TMEM132D: variants seen among roughly 807,000 people sequenced by gnomAD.
TMEM132D encodes mature OL transmembrane protein.
TMEM132D carries 21 observed loss-of-function variants against 62.3 expected under a neutral mutation model. The ratio of observed to expected loss-of-function variants is 0.34; its 90% CI spans 0.24 to 0.49. The LOEUF (loss-of-function observed/expected upper bound fraction) is 0.49. Ranked by LOEUF, TMEM132D falls within the 20% of genes least tolerant of loss-of-function variation. TMEM132D has a pLI of 0.99. For synonymous variants in TMEM132D, 621 were observed against 575.6 expected (o/e 1.08, Z -1.13); for missense variants, 1,346 against 1,402.8 (o/e 0.96, Z 0.65).
chr12:129,423,524 A>G (rs1448886675), intron 3 of TMEM132D, among the ~76,000 whole-genome samples: 3 of 152,146 alleles, frequency 2.0e-5, no homozygotes, highest in African/African-American at 7.2e-5. Context: ...GTAGGGCTCT[A>G]TGGAAAAGGA....
At chr12:129,560,584 G>A (rs2137112852) in intron 2 of TMEM132D, among the ~76,000 whole-genome samples, 1 of 152,244 alleles carries the variant, frequency 6.6e-6, no homozygotes, top group African/African-American at 2.4e-5. Flanking sequence ...CTTGTTAATT[G>A]CTAGAGATAT....
intron 1 of TMEM132D, among the ~76,000 whole-genome samples, chr12:129,829,327 CCTTCCT>C (rs766306122): frequency 1.4e-4 from 21 of 152,242 alleles, no homozygotes; most frequent in Admixed American, 2.6e-4. Flanking sequence ...AGGGACATCT[CCTTCCT>C]CTTCCTCTTC....
At chr12:129,636,737 T>TGTGTGTGTGTGTGAGAGA (rs375868329) in intron 2 of TMEM132D, among the ~76,000 whole-genome samples, 4,230 of 113,176 alleles carry the variant, frequency 0.037, 116 homozygotes, top group Admixed American at 0.06. Context: ...TGTGTGTGTG[T>TGTGTGTGTGTGTGAGAGA]GAGAGAGAGA....
At chr12:129,473,730 A>G (rs1043731073) in intron 3 of TMEM132D, among the ~76,000 whole-genome samples, 6 of 152,188 alleles carry the variant, frequency 3.9e-5, no homozygotes, top group South Asian at 2.1e-4. Flanking sequence ...TAACTTTTCT[A>G]TGTACTGGAA....
intron 4 of TMEM132D, among the ~76,000 whole-genome samples, chr12:129,287,959 T>G (rs1272378358): frequency 6.6e-6 from 1 of 152,246 alleles, no homozygotes; most frequent in Non-Finnish European, 1.5e-5. Context: ...CGTTGTAATA[T>G]ATTTCAAAAT....
chr12:129,171,277 C>T (rs1877717400), intron 5 of TMEM132D, among the ~76,000 whole-genome samples: 1 of 152,182 alleles, frequency 6.6e-6, no homozygotes, highest in Admixed American at 6.5e-5. Flanking sequence ...GAGATTGTGG[C>T]CATTCAGCCC....
chr12:129,712,080 ACTCCG>A (rs1047800606), intron 1 of TMEM132D, among the ~76,000 whole-genome samples: 2 of 151,596 alleles, frequency 1.3e-5, no homozygotes, highest in African/African-American at 4.8e-5. Context: ...ACAAAAAGCT[ACTCCG>A]CACAATATGT....
At chr12:129,599,689 T>C (rs1878435413) in intron 2 of TMEM132D, among the ~76,000 whole-genome samples, 1 of 152,184 alleles carries the variant, frequency 6.6e-6, no homozygotes, top group African/African-American at 2.4e-5. Flanking sequence ...ATAAAGCAAA[T>C]ATCACCATAA....
Position 129,786,983 on chromosome 12 carries a change from C to T in TMEM132D, c.80-86285G>A, listed in dbSNP as rs540633976. 7.9e-5 allele frequency among the ~76,000 whole-genome samples: 12 copies of T among 151,538 alleles called. No homozygotes were observed. The East Asian group carries it at 1.8e-3, about 22-fold the overall frequency. ...GAGCTCCAGGGGCATCGGAATGTGA[C>T]GGGCAAGTTGCAGAATGATGAGGGG... On this transcript the variant is annotated intron_variant, in intron 1 of 8. Coordinates refer to ENST00000422113, the MANE Select transcript of TMEM132D (RefSeq NM_133448.3).
chr12:129,843,942 A>T (rs9943728), intron 1 of TMEM132D, among the ~76,000 whole-genome samples: 14,062 of 151,600 alleles, frequency 0.093, 1,989 homozygotes, highest in African/African-American at 0.31. Flanking sequence ...TAAAAAAAAA[A>T]TTTTTTTAAT....
chr12:129,405,895 C>T (rs575993832), intron 3 of TMEM132D, among the ~76,000 whole-genome samples: 23 of 152,226 alleles, frequency 1.5e-4, no homozygotes, highest in Admixed American at 7.2e-4. Context: ...CTTTAGTAAG[C>T]TTTCTTTTGC....
At chr12:129,361,814 T>C (rs1203687985) in intron 3 of TMEM132D, among the ~76,000 whole-genome samples, 3 of 152,246 alleles carry the variant, frequency 2.0e-5, no homozygotes, top group East Asian at 3.9e-4. Context: ...AAGAATAGGG[T>C]AGAATTAAAT....
chr12:129,533,710 T>C (rs1876294288), intron 2 of TMEM132D, among the ~76,000 whole-genome samples: 1 of 152,238 alleles, frequency 6.6e-6, no homozygotes, highest in African/African-American at 2.4e-5. Context: ...TTGCTAATAA[T>C]TCCACTGTAG....
intron 2 of TMEM132D, among the ~76,000 whole-genome samples, chr12:129,617,758 T>G (rs764266105): frequency 6.6e-6 from 1 of 152,150 alleles, no homozygotes; most frequent in Non-Finnish European, 1.5e-5. Flanking sequence ...GGGCAGCATC[T>G]CTCTGATGCC....
At chr12:129,616,147 C>A (rs1352118777) in intron 2 of TMEM132D, among the ~76,000 whole-genome samples, 2 of 152,172 alleles carry the variant, frequency 1.3e-5, no homozygotes, top group African/African-American at 4.8e-5. Flanking sequence ...ATTATAGTTT[C>A]ACTATAAATG....
chr12:129,899,461 G>A (rs1343559202), intron 1 of TMEM132D, among the ~76,000 whole-genome samples: 1 of 151,754 alleles, frequency 6.6e-6, no homozygotes, highest in Admixed American at 6.6e-5. Flanking sequence ...ATGGACTGGT[G>A]GATGGACTGG....
At chr12:129,494,891 C>T (rs1356819942) in intron 3 of TMEM132D, among the ~76,000 whole-genome samples, 1 of 152,176 alleles carries the variant, frequency 6.6e-6, no homozygotes, top group Non-Finnish European at 1.5e-5. Flanking sequence ...CAGACATATG[C>T]CCTGTACTCA....
intron 1 of TMEM132D, among the ~76,000 whole-genome samples, chr12:129,849,109 G>A (rs552780605): frequency 6.6e-6 from 1 of 152,286 alleles, no homozygotes; most frequent in Admixed American, 6.5e-5. Flanking sequence ...ACGGACAGGA[G>A]TTTATAATGC....
At chr12:129,432,435 G>A (rs1018605009) in intron 3 of TMEM132D, among the ~76,000 whole-genome samples, 1 of 152,182 alleles carries the variant, frequency 6.6e-6, no homozygotes. Context: ...TTTGTGTTTT[G>A]TTCAATGCTG....
Sources: gnomAD v4.1 joint callset for allele counts (sites outside exome capture counted in the v4.1 genomes callset) on GRCh38, gnomAD v4.1.1 for gene constraint, MANE v1.5 for transcripts, NCBI Gene and HGNC (gene_info 2026-07-23, HGNC 2026-07-21) for gene names.